Variants in ACVR1 observed in about 807,000 individuals in gnomAD.
The protein encoded by ACVR1 is activin A receptor type 1.
In ACVR1, 38 loss-of-function variants were observed where a neutral mutation model predicts 57.1. That is an observed-to-expected ratio of 0.67 (90% CI 0.51 to 0.87). ACVR1 has a LOEUF of 0.87. ACVR1 is among the 40% of genes least tolerant of loss of function. The probability of loss-of-function intolerance (pLI) is 0.00; values close to 1 mark genes in which losing one functional copy is unlikely to be tolerated. For synonymous variants in ACVR1, 212 were observed against 228.1 expected, an observed-to-expected ratio of 0.93 and a Z score of 0.63; for missense variants, 463 against 638.2, an observed-to-expected ratio of 0.73 and a Z score of 2.96.
intron 8 of ACVR1, among the ~76,000 whole-genome samples, chr2:157,762,777 T>C (rs974584976): frequency 6.6e-6 from 1 of 152,220 alleles, no homozygotes; most frequent in African/African-American, 2.4e-5. Flanking sequence ...CAGCTCACCA[T>C]GCACCATGTT....
chr2:157,753,613 C>T (rs1328602685), intron 9 of ACVR1, among the ~76,000 whole-genome samples: 1 of 152,088 alleles, frequency 6.6e-6, no homozygotes, highest in Non-Finnish European at 1.5e-5. Flanking sequence ...ATTTATAGAA[C>T]AATTATTACT....
rs200872831 is a variant in ACVR1 at position 157,845,550 on chromosome 2, CT to C, written c.-182-26992del. ...CTCTACTGGCACCCTGATTTCAGAC[CT>C]CAGGCCTCCACAACTTTGGCAGTTA... On this transcript the variant is annotated intron_variant, in intron 1 of 10. Coordinates refer to ENST00000434821, the MANE Select transcript of ACVR1 (RefSeq NM_001111067.4). 3.4e-3 allele frequency among the ~76,000 whole-genome samples: 521 copies of C among 151,438 alleles called. 3 individuals carry two copies. The highest frequency in any genetic ancestry group is 0.021 in the Admixed American group (323 of 15,168).
intron 4 of ACVR1, 147 bp downstream of exon 4, chr2:157,780,190 A>G (rs1388546621): frequency 1.7e-6 from 2 of 1,166,354 alleles, no homozygotes; most frequent in Non-Finnish European, 2.5e-6. Context: ...TCTCTTCTTC[A>G]CCCAGGGTGA....
intron 1 of ACVR1, among the ~76,000 whole-genome samples, chr2:157,841,383 G>T (rs968644192): frequency 1.3e-5 from 2 of 152,100 alleles, no homozygotes; most frequent in African/African-American, 4.8e-5. Flanking sequence ...TGAAGCAGGG[G>T]GGAAGACTTG....
At chr2:157,832,011 C>T (rs1438302183) in intron 1 of ACVR1, among the ~76,000 whole-genome samples, 1 of 152,140 alleles carries the variant, frequency 6.6e-6, no homozygotes, top group African/African-American at 2.4e-5. Context: ...ACTTAGACCT[C>T]GAGTACATGC....
chr2:157,866,447 G>GT (rs796777690), intron 1 of ACVR1, among the ~76,000 whole-genome samples: 55 of 152,248 alleles, frequency 3.6e-4, no homozygotes, highest in African/African-American at 1.3e-3. Flanking sequence ...AGGGAGGCGG[G>GT]GGGGAAAGCT....
chr2:157,753,872 T>G (rs1685308950), intron 9 of ACVR1, among the ~76,000 whole-genome samples: 1 of 152,092 alleles, frequency 6.6e-6, no homozygotes, highest in Non-Finnish European at 1.5e-5. Context: ...AAAACAAGTC[T>G]CAATAAACTT....
intron 1 of ACVR1, among the ~76,000 whole-genome samples, chr2:157,853,718 C>A (rs1689406616): frequency 6.6e-6 from 1 of 152,184 alleles, no homozygotes; most frequent in Non-Finnish European, 1.5e-5. Context: ...ATAGCCATTA[C>A]CCACCTCTCC....
At chr2:157,810,087 T>C (rs1261885661) in intron 2 of ACVR1, among the ~76,000 whole-genome samples, 1 of 151,986 alleles carries the variant, frequency 6.6e-6, no homozygotes, top group Non-Finnish European at 1.5e-5. Flanking sequence ...AAAAAATATG[T>C]AAAATTAAAA....
At chr2:157,792,468 A>C (rs114543577) in intron 3 of ACVR1, among the ~76,000 whole-genome samples, 2,997 of 152,298 alleles carry the variant, frequency 0.02, 46 homozygotes, top group Non-Finnish European at 0.03. Flanking sequence ...GTCAGGCTAC[A>C]TGGAGTTGTG....
At chr2:157,862,216 G>A (rs1448963521) in intron 1 of ACVR1, among the ~76,000 whole-genome samples, 1 of 151,774 alleles carries the variant, frequency 6.6e-6, no homozygotes, top group Non-Finnish European at 1.5e-5. Context: ...ATATGAAAGT[G>A]TACTATGTTT....
intron 1 of ACVR1, among the ~76,000 whole-genome samples, chr2:157,860,388 G>A (rs1300925030): frequency 6.6e-6 from 1 of 152,204 alleles, no homozygotes; most frequent in African/African-American, 2.4e-5. Flanking sequence ...TCTCCAAAAT[G>A]TGTTCAGCAG....
intron 1 of ACVR1, among the ~76,000 whole-genome samples, chr2:157,870,823 G>A (rs557277096): frequency 6.6e-6 from 1 of 152,298 alleles, no homozygotes; most frequent in Non-Finnish European, 1.5e-5. Context: ...ATTAAGCACT[G>A]AGAAGAGGTA....
chr2:157,758,798 G>A (rs1047810941), intron 9 of ACVR1, among the ~76,000 whole-genome samples: 8 of 151,676 alleles, frequency 5.3e-5, no homozygotes, highest in African/African-American at 7.3e-5. Flanking sequence ...CACAAAACAA[G>A]TCTCAACAAG....
chr2:157,768,374 T>TA (rs1051450485), intron 7 of ACVR1, among the ~76,000 whole-genome samples: 5 of 152,134 alleles, frequency 3.3e-5, no homozygotes, highest in Non-Finnish European at 5.9e-5. Flanking sequence ...ATGATTTTCT[T>TA]AAAAAATACC....
intron 2 of ACVR1, among the ~76,000 whole-genome samples, chr2:157,806,193 TA>T (rs1282937438): frequency 6.6e-6 from 1 of 152,180 alleles, no homozygotes; most frequent in Non-Finnish European, 1.5e-5. Flanking sequence ...ATTTTCCTCT[TA>T]AAGAACAACC....
At chr2:157,821,541 A>T (rs992112437) in intron 1 of ACVR1, among the ~76,000 whole-genome samples, 24 of 152,222 alleles carry the variant, frequency 1.6e-4, no homozygotes, top group Admixed American at 1.6e-3. Flanking sequence ...AATAAAAAAT[A>T]AAAAAATAAA....
intron 3 of ACVR1, among the ~76,000 whole-genome samples, chr2:157,784,221 C>G (rs1686629662): frequency 6.6e-6 from 1 of 152,112 alleles, no homozygotes; most frequent in South Asian, 2.1e-4. Context: ...AGAATGATCA[C>G]AAAACCCCTT....
intron 1 of ACVR1, among the ~76,000 whole-genome samples, chr2:157,823,266 T>G (rs1443141476): frequency 1.3e-5 from 2 of 152,208 alleles, no homozygotes; most frequent in Admixed American, 1.3e-4. Context: ...CATACAATTC[T>G]CACAGGAGGA....
Sources: gnomAD v4.1 joint callset for allele counts (sites outside exome capture counted in the v4.1 genomes callset) on GRCh38, gnomAD v4.1.1 for gene constraint, MANE v1.5 for transcripts, NCBI Gene and HGNC (gene_info 2026-07-23, HGNC 2026-07-21) for gene names.